ACBD6: variants seen among roughly 807,000 people sequenced by gnomAD.
ACBD6 encodes acyl-CoA-binding domain-containing protein 6.
In ACBD6, 28 loss-of-function variants were observed where a neutral mutation model predicts 37.2. The observed-to-expected ratio is 0.75, with a 90% CI of 0.56 to 1.03. The LOEUF is 1.03. ACBD6 is among the 50% of genes least tolerant of loss of function. The probability of loss-of-function intolerance (pLI) is 0.00; values close to 1 mark genes in which losing one functional copy is unlikely to be tolerated. For missense variants in ACBD6, 340 were observed against 337.4 expected, an observed-to-expected ratio of 1.01 and a Z score of -0.06; for synonymous variants, 113 against 126.8, an observed-to-expected ratio of 0.89 and a Z score of 0.73.
intron 3 of ACBD6, among the ~76,000 whole-genome samples, chr1:180,443,542 C>T (rs2102016465): frequency 6.6e-6 from 1 of 152,268 alleles, no homozygotes; most frequent in African/African-American, 2.4e-5. Context: ...TTTTGGGATC[C>T]CCCTCCTTGC....
rs527433775 is a variant in ACBD6 at position 180,418,974 on chromosome 1, G to A, written c.468-5503C>T. Among the ~76,000 whole-genome samples, 308 of 152,306 alleles carry A rather than the reference G, an allele frequency of 2.0e-3. 1 individual carries two copies. The highest frequency in any genetic ancestry group is 3.8e-3 in the Non-Finnish European group (258 of 68,028). On this transcript the variant is annotated intron_variant, in intron 4 of 7. Coordinates refer to ENST00000367595, the MANE Select transcript of ACBD6 (RefSeq NM_032360.4). ...TGTTCTTAAAATCATTCTTGAGGCC[G>A]GGCGCGGTGGCTCACACCTGTAATC...
At chr1:180,472,097 C>T (rs189588517) in intron 3 of ACBD6, among the ~76,000 whole-genome samples, 14 of 152,272 alleles carry the variant, frequency 9.2e-5, no homozygotes, top group African/African-American at 3.1e-4. Context: ...AACATAGGTA[C>T]GTATAGGGCA....
chr1:180,277,372 T>C (rs1314287248), intron 9 of ACBD6: 2 of 152,206 alleles, frequency 1.3e-5, no homozygotes, highest in Non-Finnish European at 2.9e-5. Context: ...GTTTCCCCCC[T>C]TGCTAAAATG....
chr1:180,350,017 GTGACCCTTTTTTTTTTTTTTTTTTTT>G (rs1463726631), intron 6 of ACBD6, among the ~76,000 whole-genome samples: 1 of 128,348 alleles, frequency 7.8e-6, no homozygotes, highest in Admixed American at 1.0e-4. Context: ...GTCCTCTCCA[GTGACCCTTTTTTTTTTTTTTTTTTTT>G]TGAGCAGAGT....
At chr1:180,496,631 G>A (rs1414422024) in intron 1 of ACBD6, among the ~76,000 whole-genome samples, 1 of 152,080 alleles carries the variant, frequency 6.6e-6, no homozygotes, top group East Asian at 1.9e-4. Flanking sequence ...CAGATTCTAA[G>A]AACCCTTTCA....
chr1:180,494,613 C>A (rs1390514078), intron 2 of ACBD6, among the ~76,000 whole-genome samples: 1 of 152,146 alleles, frequency 6.6e-6, no homozygotes, highest in East Asian at 1.9e-4. Flanking sequence ...TCCAGGGGAC[C>A]AGATTTTATG....
intron 6 of ACBD6, among the ~76,000 whole-genome samples, chr1:180,372,950 C>T (rs1294498528): frequency 6.6e-6 from 1 of 152,138 alleles, no homozygotes; most frequent in Non-Finnish European, 1.5e-5. Context: ...GACTTTTGTT[C>T]TCCCAGACCG....
intron 3 of ACBD6, among the ~76,000 whole-genome samples, chr1:180,474,998 T>C (rs943138875): frequency 6.6e-6 from 1 of 152,214 alleles, no homozygotes; most frequent in Non-Finnish European, 1.5e-5. Context: ...AATGTACATA[T>C]TTTAAGTGGG....
In ACBD6 at chr1:180,397,708, A is replaced by G. The variant is rs1357332460; in HGVS notation, c.574-103T>C. On this transcript the variant is annotated intron_variant, in intron 5 of 7. Coordinates refer to ENST00000367595, the MANE Select transcript of ACBD6 (RefSeq NM_032360.4). ...AAGGAAATATAAAAAATTATGGGTT[A>G]ATTATTCTAAGAATGATTGATATAA... The G allele has an allele frequency of 9.1e-6, 9 of 985,556 alleles. No homozygotes were observed. In the East Asian group the frequency reaches 1.5e-4, roughly 16 times the overall value. The allele number at this position is 985,556 out of a possible 1,614,324, so 61.1% of individuals were successfully genotyped here. A position where few individuals can be genotyped will look rare whatever the true frequency, so the allele number is the denominator to read the frequency against.
At chr1:180,327,254 G>C (rs995375176) in intron 6 of ACBD6, among the ~76,000 whole-genome samples, 1 of 152,160 alleles carries the variant, frequency 6.6e-6, no homozygotes, top group Non-Finnish European at 1.5e-5. Flanking sequence ...TCTATGTGTG[G>C]GTGCTGGCTG....
chr1:180,426,044 G>C (rs1648568928), intron 4 of ACBD6, among the ~76,000 whole-genome samples: 1 of 152,090 alleles, frequency 6.6e-6, no homozygotes, highest in South Asian at 2.1e-4. Context: ...AATTCTACAG[G>C]CTTTTGTGTC....
chr1:180,293,495 A>G (rs1649796381), intron 7 of ACBD6, among the ~76,000 whole-genome samples: 1 of 151,992 alleles, frequency 6.6e-6, no homozygotes, highest in African/African-American at 2.4e-5. Context: ...TTTAGTAGAG[A>G]CGGGGTTTTG....
intron 6 of ACBD6, among the ~76,000 whole-genome samples, chr1:180,333,210 A>T (rs909852324): frequency 2.6e-5 from 4 of 152,196 alleles, no homozygotes; most frequent in African/African-American, 7.2e-5. Flanking sequence ...ACATAATTTT[A>T]AAAATGAAAA....
chr1:180,370,699 G>A (rs927558904), intron 6 of ACBD6, among the ~76,000 whole-genome samples: 4 of 152,066 alleles, frequency 2.6e-5, no homozygotes, highest in African/African-American at 9.7e-5. Context: ...TGAGAGCAGA[G>A]GTTGCTTGTC....
intron 3 of ACBD6, among the ~76,000 whole-genome samples, chr1:180,485,697 T>C (rs1651234700): frequency 6.6e-6 from 1 of 152,230 alleles, no homozygotes; most frequent in South Asian, 2.1e-4. Context: ...AACCACAATG[T>C]GCTCGTCTGT....
intron 1 of ACBD6, among the ~76,000 whole-genome samples, chr1:180,500,132 T>TA (rs778814281): frequency 0.14 from 18,133 of 133,240 alleles, 1,658 homozygotes; most frequent in East Asian, 0.38. Context: ...CTTTTTTAGT[T>TA]AAAAAAAAAA....
chr1:180,399,655 T>G (rs1285769024), intron 5 of ACBD6, among the ~76,000 whole-genome samples: 1 of 152,222 alleles, frequency 6.6e-6, no homozygotes, highest in Non-Finnish European at 1.5e-5. Context: ...GTTAAAATTT[T>G]TGTAGCTCTA....
rs747662159 is a variant in ACBD6 at position 180,502,221 on chromosome 1, C to A, written c.46G>T (p.Gly16Cys). Residue 16 changes from glycine to cysteine, a missense_variant, in exon 1 of 8, where the codon GGT (glycine) becomes TGT (cysteine). Coordinates refer to ENST00000367595, the MANE Select transcript of ACBD6 (RefSeq NM_032360.4). ...LPAGAITGDSGGELSSGDDSG... is the reference protein window; with the variant it reads ...LPAGAITGDSCGELSSGDDSG... ...TCGTCCCCTGAGCTCAGCTCTCCAC[C>A]GCTGTCGCCGGTGATGGCCCCCGCG... is the stretch of plus-strand genomic sequence containing the variant. 1.2e-6 allele frequency: 2 copies of A among 1,613,914 alleles called. No homozygotes were observed. Among genetic ancestry groups the A allele is most frequent in the Non-Finnish European group, 1.7e-6 (2 of 1,180,040 alleles).
At chr1:180,299,654 G>A (rs1367474018) in intron 7 of ACBD6, among the ~76,000 whole-genome samples, 2 of 151,964 alleles carry the variant, frequency 1.3e-5, no homozygotes, top group African/African-American at 4.8e-5. Context: ...TGCTTTGCGT[G>A]GAAGACTGAG....
Sources: allele counts gnomAD v4.1 joint callset (sites outside exome capture counted in the v4.1 genomes callset), GRCh38; gene constraint gnomAD v4.1.1; transcripts MANE v1.5; gene names NCBI Gene and HGNC (gene_info 2026-07-23, HGNC 2026-07-21).